Variants in SEMA5A observed in about 807,000 individuals in gnomAD.
The protein encoded by SEMA5A is semaphorin 5A, also known as semaphorin-5A.
In SEMA5A, 55 loss-of-function variants were observed where a neutral mutation model predicts 135.5. That is an observed-to-expected ratio of 0.41 (90% CI 0.33 to 0.51). The LOEUF is 0.51. Among genes scored for constraint, SEMA5A ranks in the 20% least tolerant of loss-of-function variants. The probability of loss-of-function intolerance (pLI) is 0.37; values close to 1 mark genes in which losing one functional copy is unlikely to be tolerated. For synonymous variants in SEMA5A, 580 were observed against 546.5 expected (o/e 1.06, Z -0.85); for missense variants, 1,290 against 1,419.9 (o/e 0.91, Z 1.47).
chr5:9,197,212 G>A lies in SEMA5A; in HGVS notation c.1024C>T (p.Arg342Cys), dbSNP rs750919600. ...SGPFKYQENSRSAWLPYPNPN... is the reference protein window; with the variant it reads ...SGPFKYQENSCSAWLPYPNPN... The stretch of plus-strand genomic sequence containing the variant: ...TTGGGATACGGTAGCCAGGCCGAGC[G>A]CGAGTTTTCTTGGTACTTGAAGGGC... The change falls in exon 10 of 23, where the codon CGC (arginine) becomes TGC (cysteine). Residue 342 changes from arginine (R) to cysteine (C), a missense_variant. Transcript: ENST00000382496. 44 of 1,614,110 alleles carry A rather than the reference G, an allele frequency of 2.7e-5. No individual in the cohort carries two copies. Among genetic ancestry groups the A allele is most frequent in the Non-Finnish European group, 3.6e-5 (42 of 1,180,062 alleles).
intron 5 of SEMA5A, among the ~76,000 whole-genome samples, chr5:9,267,788 TAAGGA>T (rs997161506): frequency 6.6e-6 from 1 of 152,112 alleles, no homozygotes; most frequent in African/African-American, 2.4e-5. Context: ...GCGAAGTGGA[TAAGGA>T]AAGAGATGAG....
intron 11 of SEMA5A, among the ~76,000 whole-genome samples, chr5:9,159,243 G>T (rs186392073): frequency 1.3e-5 from 2 of 152,162 alleles, no homozygotes; most frequent in Non-Finnish European, 2.9e-5. Flanking sequence ...TCACTTCAAT[G>T]TTGATGAATG....
intron 3 of SEMA5A, among the ~76,000 whole-genome samples, chr5:9,356,356 TCTGC>T (rs1216743829): frequency 6.6e-6 from 1 of 152,188 alleles, no homozygotes; most frequent in Non-Finnish European, 1.5e-5. Context: ...AGTGTTTAGT[TCTGC>T]CTGTCTGTGC....
intron 10 of SEMA5A, among the ~76,000 whole-genome samples, chr5:9,195,212 C>A (rs40686): frequency 5.9e-5 from 9 of 152,124 alleles, no homozygotes; most frequent in African/African-American, 1.7e-4. Flanking sequence ...GCTCTGTCAC[C>A]CAGACTGGAG....
At chr5:9,069,437 A>G (rs1561122145) in intron 16 of SEMA5A, among the ~76,000 whole-genome samples, 1 of 152,166 alleles carries the variant, frequency 6.6e-6, no homozygotes, top group Non-Finnish European at 1.5e-5. Flanking sequence ...TTGAAAAATC[A>G]ACCCCTCTAA....
chr5:9,522,513 G>A (rs573477549), intron 1 of SEMA5A, among the ~76,000 whole-genome samples: 2 of 152,114 alleles, frequency 1.3e-5, no homozygotes, highest in Non-Finnish European at 2.9e-5. Context: ...GGAGGCAGAG[G>A]TTGTGGTGAG....
chr5:9,422,804 A>T (rs1211382095), intron 2 of SEMA5A, among the ~76,000 whole-genome samples: 2 of 152,218 alleles, frequency 1.3e-5, no homozygotes, highest in African/African-American at 2.4e-5. Flanking sequence ...ACCAATAAAG[A>T]GGATGTTGAA....
At chr5:9,090,145 C>A (rs1195962336) in intron 16 of SEMA5A, among the ~76,000 whole-genome samples, 1 of 152,196 alleles carries the variant, frequency 6.6e-6, no homozygotes, top group Admixed American at 6.5e-5. Context: ...AGAATCACCT[C>A]TTAAACCCTG....
intron 16 of SEMA5A, among the ~76,000 whole-genome samples, chr5:9,074,137 T>C (rs1737917649): frequency 6.6e-6 from 1 of 152,152 alleles, no homozygotes; most frequent in Admixed American, 6.5e-5. Flanking sequence ...GGTATAAGCA[T>C]CAAGATAGAA....
At chr5:9,056,637 G>T (rs1004194507) in intron 18 of SEMA5A, among the ~76,000 whole-genome samples, 1 of 152,174 alleles carries the variant, frequency 6.6e-6, no homozygotes, top group African/African-American at 2.4e-5. Flanking sequence ...CAGCAGAATC[G>T]CAGGAACCTG....
intron 3 of SEMA5A, among the ~76,000 whole-genome samples, chr5:9,346,780 T>G (rs1056844550): frequency 2.6e-5 from 4 of 152,152 alleles, no homozygotes; most frequent in Admixed American, 1.3e-4. Flanking sequence ...GAGGGCTGAG[T>G]AAATGAGGCA....
intron 1 of SEMA5A, among the ~76,000 whole-genome samples, chr5:9,513,945 C>T (rs542816162): frequency 6.6e-6 from 1 of 152,230 alleles, no homozygotes; most frequent in South Asian, 2.1e-4. Flanking sequence ...CTTAAAACAA[C>T]TCATATTTAT....
Position 9,051,884 on chromosome 5 carries a change from T to C in SEMA5A, c.2834A>G (p.Asn945Ser). 2 of 1,614,168 alleles carry C rather than the reference T, an allele frequency of 1.2e-6. No homozygotes were observed. Among genetic ancestry groups the C allele is most frequent in the East Asian group, 2.2e-5 (1 of 44,868 alleles). ...TESRPCVFDS[N>S]FIPEVSVARS... Reference sequence around the variant, plus strand: ...ACCTCTGCTCTTACCTGGGATGAAATTAGAGTCAAACACACACGGCCGGCT... The same window carrying C: ...ACCTCTGCTCTTACCTGGGATGAAACTAGAGTCAAACACACACGGCCGGCT... The change falls in exon 20 of 23, where the codon AAT (asparagine) becomes AGT (serine). Residue 945 changes from asparagine (N) to serine (S), a missense_variant. Asn to Ser is a conservative substitution (Grantham distance 46). Around this residue, in one of 3 missense-constraint regions of SEMA5A, gnomAD observed 1,029 missense variants for 1,086.6 expected, o/e 0.95. Transcript: ENST00000382496.
chr5:9,230,076 T>C (rs767890986), intron 6 of SEMA5A, among the ~76,000 whole-genome samples: 1 of 151,844 alleles, frequency 6.6e-6, no homozygotes, highest in Non-Finnish European at 1.5e-5. Context: ...CCTCGACCAC[T>C]TGGGCTCAAG....
At chr5:9,486,701 A>C (rs1257082428) in intron 1 of SEMA5A, among the ~76,000 whole-genome samples, 1 of 152,174 alleles carries the variant, frequency 6.6e-6, no homozygotes, top group African/African-American at 2.4e-5. Flanking sequence ...GACTCCTCAG[A>C]CTATAATAAG....
At chr5:9,372,493 C>G (rs1336137282) in intron 3 of SEMA5A, among the ~76,000 whole-genome samples, 2 of 152,084 alleles carry the variant, frequency 1.3e-5, no homozygotes, top group African/African-American at 2.4e-5. Flanking sequence ...ATGCCTAGAA[C>G]TGTGGACACA....
chr5:9,149,152 C>A (rs1219113039), intron 12 of SEMA5A, among the ~76,000 whole-genome samples: 1 of 152,170 alleles, frequency 6.6e-6, no homozygotes, highest in Non-Finnish European at 1.5e-5. Flanking sequence ...CAGACAAATC[C>A]ATCAGCCTTG....
intron 11 of SEMA5A, among the ~76,000 whole-genome samples, 199 bp from the exon 12 acceptor site, chr5:9,154,894 G>C (rs1742867945): frequency 2.0e-5 from 3 of 152,152 alleles, no homozygotes; most frequent in Admixed American, 6.5e-5. Flanking sequence ...CCAGGCAGCA[G>C]TATCTTTTAA....
At chr5:9,165,358 C>T (rs1318591551) in intron 11 of SEMA5A, among the ~76,000 whole-genome samples, 1 of 152,140 alleles carries the variant, frequency 6.6e-6, no homozygotes, top group Non-Finnish European at 1.5e-5. Context: ...TAGATTATTG[C>T]AAAGCATTGG....
Sources: allele counts gnomAD v4.1 joint callset (sites outside exome capture counted in the v4.1 genomes callset), GRCh38; gene constraint gnomAD v4.1.1; regional missense constraint gnomAD v4.1.1; transcripts MANE v1.5; gene names NCBI Gene and HGNC (gene_info 2026-07-23, HGNC 2026-07-21).